The following TMEM223 variants were observed in gnomAD, a reference collection of about 807,000 sequenced individuals.
TMEM223 encodes the protein transmembrane protein 223.
TMEM223 carries 14 observed loss-of-function variants against 14.1 expected under a neutral mutation model. The ratio of observed to expected loss-of-function variants is 0.99; its 90% CI spans 0.66 to 1.55. TMEM223 has a LOEUF of 1.55. Ranked by LOEUF, TMEM223 falls within the 40% of genes most tolerant of loss-of-function variation. The pLI is 0.00. For missense variants in TMEM223, 346 were observed against 269.9 expected (o/e 1.28, Z -1.97); for synonymous variants, 145 against 120.5 (o/e 1.20, Z -1.33).
At chr11:62,775,419 A>G (rs1223597110) in intron 1 of TMEM223, among the ~76,000 whole-genome samples, 1 of 152,190 alleles carries the variant, frequency 6.6e-6, no homozygotes, top group Non-Finnish European at 1.5e-5. Context: ...TTTCACAGCA[A>G]CCCTGTGAGC....
At chr11:62,771,393 G>T, downstream of TMEM223, 1 of 153,512 alleles carries the variant, frequency 6.5e-6, no homozygotes, top group South Asian at 1.7e-4. Flanking sequence ...CCGGGGCCCC[G>T]GGAGAGGGAA....
Position 62,791,946 on chromosome 11 carries a change from G to T in TMEM223, c.49C>A (p.Arg17=), listed in dbSNP as rs571908829. ...RWPTGLLAVL[R]PLLTCRPLQG... is the part of the protein sequence containing the mutation. ...AGGGGCCGGCAGGTGAGCAGGGGCC[G>T]CAGCACGGCTAGCAGCCCCGTGGGC... The change falls in exon 1 of 2, where the codon CGG becomes AGG. Residue 17 remains arginine (R), a synonymous_variant. Coordinates refer to ENST00000307366, the MANE Select transcript of TMEM223 (RefSeq NM_001080501.3). 6.3e-7 allele frequency: 1 copy of T among 1,588,022 alleles called. No homozygotes were observed. The highest frequency in any genetic ancestry group is 8.6e-7 in the Non-Finnish European group (1 of 1,167,012).
At chr11:62,791,546 G>T in intron 1 of TMEM223, 133 bp downstream of exon 1, 1 of 1,191,664 alleles carries the variant, frequency 8.4e-7, no homozygotes, top group Non-Finnish European at 1.1e-6. Flanking sequence ...CCCGGCCAGT[G>T]TTTCACATTT....
At chr11:62,775,102 A>T (rs1382595655) in intron 1 of TMEM223, among the ~76,000 whole-genome samples, 4 of 152,000 alleles carry the variant, frequency 2.6e-5, no homozygotes, top group Non-Finnish European at 5.9e-5. Context: ...GTAATGTATA[A>T]AGGAAAGAGG....
At chr11:62,779,952 C>CTATATATATATA (rs1225374367) in intron 1 of TMEM223, among the ~76,000 whole-genome samples, 2 of 100,064 alleles carry the variant, frequency 2.0e-5, no homozygotes, top group African/African-American at 8.9e-5. Flanking sequence ...AGGCGTGAGC[C>CTATATATATATA]TATATATATA....
chr11:62,790,348 A>G lies in TMEM223; in HGVS notation c.*275T>C, dbSNP rs1431578352. ...AGAGGTACTGTTAGGCAGCTGCCCT[A>G]GGGATGACTGCTCCTTTATTTGTTG... On this transcript the variant is annotated 3_prime_UTR_variant, in exon 2 of 2. Coordinates refer to ENST00000307366, the MANE Select transcript of TMEM223 (RefSeq NM_001080501.3). 3.7e-6 allele frequency: 2 copies of G among 545,924 alleles called. No homozygotes were observed. The highest frequency in any genetic ancestry group is 6.4e-6 in the Non-Finnish European group (2 of 312,652). 33.8% of individuals were successfully genotyped at this position (545,924 alleles called of 1,614,324 possible).
downstream of TMEM223, among the ~76,000 whole-genome samples, chr11:62,788,471 G>A (rs1227793453): frequency 2.0e-5 from 3 of 152,146 alleles, no homozygotes; most frequent in African/African-American, 7.2e-5. Context: ...TTGGGAGGCC[G>A]TGGCAGGCGG....
downstream of TMEM223, chr11:62,787,519 C>A: frequency 1.3e-6 from 2 of 1,573,280 alleles, no homozygotes; most frequent in Non-Finnish European, 8.6e-7. Context: ...GGCGATGACT[C>A]GGACCCAGGT....
intron 1 of TMEM223, chr11:62,781,678 A>AAAG (rs1554997115): frequency 3.7e-5 from 17 of 464,640 alleles, no homozygotes; most frequent in African/African-American, 3.6e-4. Flanking sequence ...AAAAAAAAAA[A>AAAG]GTTGGACATT....
intron 1 of TMEM223, chr11:62,782,062 G>A (rs577691534): frequency 6.3e-7 from 1 of 1,588,702 alleles, no homozygotes; most frequent in East Asian, 2.2e-5. Flanking sequence ...AGAATGGTGG[G>A]CTCCTGCCTG....
In TMEM223 at chr11:62,790,111, T is replaced by A. The variant is rs1290621048; in HGVS notation, c.*512A>T. On this transcript the variant is annotated 3_prime_UTR_variant, in exon 2 of 2. Coordinates refer to ENST00000307366, the MANE Select transcript of TMEM223 (RefSeq NM_001080501.3). ...GCCCAAGTGCCTGTAATCCCCCCCC[T>A]CAAGGCCCTGTTTATGTTGGGAGTC... 2.3e-5 allele frequency: 34 copies of A among 1,459,328 alleles called. No individual in the cohort carries two copies. Among genetic ancestry groups the A allele is most frequent in the Non-Finnish European group, 3.1e-5 (34 of 1,099,108 alleles). 90.4% of individuals were successfully genotyped at this position (1,459,328 alleles called of 1,614,324 possible).
At chr11:62,784,071 C>G (rs1323709359), downstream of TMEM223, among the ~76,000 whole-genome samples, 1 of 26,156 alleles carries the variant, frequency 3.8e-5, no homozygotes, top group Non-Finnish European at 7.7e-5. Context: ...TCACTGCAAC[C>G]TCCACCTCCC....
At chr11:62,778,605 C>G in intron 1 of TMEM223, 1 of 613,488 alleles carries the variant, frequency 1.6e-6, no homozygotes, top group Non-Finnish European at 2.9e-6. Context: ...CCAGGGTATG[C>G]TGAGCAGAGC....
chr11:62,778,756 G>A, intron 1 of TMEM223: 3 of 920,808 alleles, frequency 3.3e-6, no homozygotes, highest in Admixed American at 3.6e-5. Context: ...TGTCCTGTCA[G>A]AAAGGCTTCT....
chr11:62,787,334 C>A, downstream of TMEM223: 1 of 1,523,926 alleles, frequency 6.6e-7, no homozygotes, highest in Non-Finnish European at 8.8e-7. Flanking sequence ...TAAATCCCGC[C>A]CCCGGAAATG....
At chr11:62,771,803 T>C in exon 3 of TMEM223, 1 of 246,646 alleles carries the variant, frequency 4.1e-6, no homozygotes, top group East Asian at 1.2e-4. Flanking sequence ...ACAGTCTAGA[T>C]TTCGTGTACG....
At chr11:62,789,368 C>T (rs1354163021), downstream of TMEM223, 1 of 1,613,978 alleles carries the variant, frequency 6.2e-7, no homozygotes, top group Non-Finnish European at 8.5e-7. Context: ...TGCCTGTATC[C>T]TTCGATTTGG....
downstream of TMEM223, chr11:62,786,528 G>A: frequency 6.4e-7 from 1 of 1,553,508 alleles, no homozygotes; most frequent in Non-Finnish European, 8.7e-7. Flanking sequence ...TGGCGGTAGA[G>A]CGACTGCTGA....
chr11:62,789,385 G>C (rs1554999437), downstream of TMEM223: 1 of 1,613,878 alleles, frequency 6.2e-7, no homozygotes, highest in African/African-American at 1.3e-5. Flanking sequence ...TTGGCACCAG[G>C]TCTCTCTGCA....
Sources: gnomAD v4.1 joint callset for allele counts (sites outside exome capture counted in the v4.1 genomes callset) on GRCh38, gnomAD v4.1.1 for gene constraint, MANE v1.5 for transcripts, NCBI Gene and HGNC (gene_info 2026-07-23, HGNC 2026-07-21) for gene names.